The following CDH8 variants were observed in gnomAD, a reference collection of about 807,000 sequenced individuals.
The protein encoded by CDH8 is cadherin-8.
CDH8 carries 17 observed loss-of-function variants against 68.1 expected under a neutral mutation model. The observed-to-expected ratio is 0.25, with a 90% CI of 0.17 to 0.37. The LOEUF is 0.37. Among genes scored for constraint, CDH8 ranks in the 10% least tolerant of loss-of-function variants. The pLI, the probability that CDH8 is intolerant of heterozygous loss-of-function variation, is 1.00. For synonymous variants in CDH8, 372 were observed against 365.1 expected (o/e 1.02, Z -0.21); for missense variants, 763 against 999.3 (o/e 0.76, Z 3.19).
chr16:61,701,153 C>G (rs771760562), intron 10 of CDH8, among the ~76,000 whole-genome samples: 1 of 152,144 alleles, frequency 6.6e-6, no homozygotes, highest in African/African-American at 2.4e-5. Flanking sequence ...TGGGAGTGAT[C>G]TATCCCAGTC....
chr16:61,658,350 T>C lies in CDH8; in HGVS notation c.1655-2629A>G, dbSNP rs555724122. Among the ~76,000 whole-genome samples, 9 of 152,138 alleles carry C rather than the reference T, an allele frequency of 5.9e-5. No homozygotes were observed. In the South Asian group the frequency reaches 1.2e-3, roughly 21 times the overall value. On this transcript the variant is annotated intron_variant, in intron 10 of 11. Coordinates refer to ENST00000577390, the MANE Select transcript of CDH8 (RefSeq NM_001796.5). ...ATTTAAATTTTTGAATTTAATATAG[T>C]TTATTTTGCCAATCTCTTATAATTA...
intron 7 of CDH8, among the ~76,000 whole-genome samples, chr16:61,801,369 G>A (rs1224250435): frequency 2.6e-5 from 4 of 152,176 alleles, no homozygotes; most frequent in Non-Finnish European, 4.4e-5. Flanking sequence ...GACACTGTAG[G>A]TTGAGAAGTG....
At chr16:61,942,015 C>T (rs1964733317) in intron 2 of CDH8, among the ~76,000 whole-genome samples, 1 of 152,220 alleles carries the variant, frequency 6.6e-6, no homozygotes, top group Non-Finnish European at 1.5e-5. Flanking sequence ...ACAAACACTA[C>T]ATCTAAATAG....
chr16:61,782,746 A>T (rs970741818), intron 8 of CDH8, among the ~76,000 whole-genome samples: 20 of 152,284 alleles, frequency 1.3e-4, no homozygotes, highest in African/African-American at 3.4e-4. Context: ...AGATCTGAGA[A>T]CGGGCAGACT....
intron 10 of CDH8, among the ~76,000 whole-genome samples, chr16:61,694,768 TTGGTGGTGG>T (rs927663987): frequency 1.3e-5 from 2 of 151,652 alleles, no homozygotes; most frequent in African/African-American, 4.8e-5. Context: ...GTTGTTGCTG[TTGGTGGTGG>T]TGGTGGTGGT....
At chr16:61,914,768 C>T (rs1267547142) in intron 2 of CDH8, among the ~76,000 whole-genome samples, 1 of 150,564 alleles carries the variant, frequency 6.6e-6, no homozygotes, top group Non-Finnish European at 1.5e-5. Context: ...AGAATGATGC[C>T]ACTAGCCAAG....
intron 2 of CDH8, among the ~76,000 whole-genome samples, chr16:61,952,203 G>A (rs1964909126): frequency 6.6e-6 from 1 of 152,164 alleles, no homozygotes; most frequent in Non-Finnish European, 1.5e-5. Context: ...CCATGGGTTT[G>A]TGAAATAGGA....
At position 61,721,036 on chromosome 16, in the gene CDH8, G is replaced by T. The variant is rs971842258; in HGVS notation, c.1536+6058C>A. On this transcript the variant is annotated intron_variant, in intron 9 of 11. Coordinates refer to ENST00000577390, the MANE Select transcript of CDH8 (RefSeq NM_001796.5). ...AGGGTTTAAACTAACAGAGATTATG[G>T]CTCAGCATCACAAAACTAGTAAATA... Among the ~76,000 whole-genome samples the T allele has an allele frequency of 4.7e-5, 7 of 150,424 alleles. No individual in the cohort carries two copies. In the East Asian group the frequency reaches 5.9e-4, roughly 13 times the overall value.
intron 7 of CDH8, among the ~76,000 whole-genome samples, chr16:61,813,462 C>G (rs1961997318): frequency 1.3e-5 from 2 of 152,138 alleles, no homozygotes; most frequent in Non-Finnish European, 2.9e-5. Context: ...TGGAGAATCT[C>G]CGGCCTGCCC....
intron 2 of CDH8, among the ~76,000 whole-genome samples, chr16:61,975,456 T>G (rs1019616094): frequency 6.6e-6 from 1 of 152,168 alleles, no homozygotes; most frequent in Non-Finnish European, 1.5e-5. Context: ...TTATTTCATT[T>G]AGGAGGTCTA....
chr16:61,776,131 G>A (rs534096596), intron 8 of CDH8, among the ~76,000 whole-genome samples: 5 of 152,218 alleles, frequency 3.3e-5, no homozygotes, highest in Admixed American at 6.5e-5. Context: ...AGGGAAGGCA[G>A]GGGGATGAAA....
intron 3 of CDH8, 71 bp downstream of exon 3, chr16:61,901,108 A>C (rs1963961443): frequency 1.5e-6 from 2 of 1,330,462 alleles, no homozygotes; most frequent in African/African-American, 2.9e-5. Context: ...TCAGCAATAC[A>C]CCATCCTTGA....
At position 61,994,986 on chromosome 16, in the gene CDH8, C is replaced by A. The variant is rs887399634; in HGVS notation, c.252+26166G>T. Among the ~76,000 whole-genome samples, 37 of 152,150 alleles carry A rather than the reference C, an allele frequency of 2.4e-4. 3 individuals carry two copies. The highest frequency in any genetic ancestry group is 2.0e-3 in the Admixed American group (31 of 15,280). On this transcript the variant is annotated intron_variant, in intron 2 of 11. Coordinates refer to ENST00000577390, the MANE Select transcript of CDH8 (RefSeq NM_001796.5). ...ACTTAGTTTCTGCTAACAAACCTGC[C>A]TGAAAGTTAACTCTAAGTCCCGGGG... is the stretch of plus-strand genomic sequence containing the variant.
intron 2 of CDH8, among the ~76,000 whole-genome samples, chr16:61,960,007 TATATATATACACAC>T (rs1247626702): frequency 1.2e-5 from 1 of 83,178 alleles, no homozygotes; most frequent in Non-Finnish European, 2.1e-5. Context: ...TATATATATA[TATATATATACACAC>T]ATACACACAC....
At chr16:61,875,194 T>TC (rs1027492877) in intron 3 of CDH8, among the ~76,000 whole-genome samples, 4 of 151,988 alleles carry the variant, frequency 2.6e-5, no homozygotes, top group African/African-American at 4.8e-5. Flanking sequence ...CTTTTTTTTT[T>TC]CACATAAAAT....
chr16:62,022,709 G>C (rs1400287007), intron 1 of CDH8, among the ~76,000 whole-genome samples: 1 of 152,112 alleles, frequency 6.6e-6, no homozygotes. Context: ...CTAGGTCTCT[G>C]GTTCCATTCT....
chr16:61,902,576 CAAA>C (rs74868190), intron 2 of CDH8, among the ~76,000 whole-genome samples: 3 of 93,096 alleles, frequency 3.2e-5, no homozygotes, highest in Non-Finnish European at 4.6e-5. Context: ...ATATTTGTTC[CAAA>C]AAAAAAAAAA....
chr16:61,691,436 A>G (rs1036701297), intron 10 of CDH8, among the ~76,000 whole-genome samples: 1 of 151,438 alleles, frequency 6.6e-6, no homozygotes, highest in Non-Finnish European at 1.5e-5. Flanking sequence ...CATTATCCCT[A>G]TAACACCAGC....
intron 8 of CDH8, among the ~76,000 whole-genome samples, chr16:61,732,266 A>G (rs1478690998): frequency 5.3e-5 from 8 of 151,826 alleles, no homozygotes; most frequent in Non-Finnish European, 1.0e-4. Flanking sequence ...AACTTCCCCA[A>G]CAAACTCTAA....
Sources: allele counts gnomAD v4.1 joint callset (sites outside exome capture counted in the v4.1 genomes callset), GRCh38; gene constraint gnomAD v4.1.1; transcripts MANE v1.5; gene names NCBI Gene and HGNC (gene_info 2026-07-23, HGNC 2026-07-21).